The following POT1 variants were observed in gnomAD, a reference collection of about 807,000 sequenced individuals.
The protein encoded by POT1 is protection of telomeres protein 1.
Under a neutral mutation model 78.5 loss-of-function variants are expected in POT1, and 47 were observed. The observed-to-expected ratio is 0.60, with a 90% CI of 0.47 to 0.76. The LOEUF (loss-of-function observed/expected upper bound fraction) is 0.76. Among genes scored for constraint, POT1 ranks in the 30% least tolerant of loss-of-function variants. The pLI is 0.00. For synonymous variants in POT1, 259 were observed against 260.7 expected (o/e 0.99, Z 0.06); for missense variants, 646 against 749.9 (o/e 0.86, Z 1.62).
At chr7:124,900,558 G>C (rs1796593804) in intron 3 of POT1, among the ~76,000 whole-genome samples, 1 of 152,106 alleles carries the variant, frequency 6.6e-6, no homozygotes. Flanking sequence ...AATAGGAACA[G>C]CTCCACTCTA....
intron 7 of POT1, among the ~76,000 whole-genome samples, chr7:124,866,224 G>A (rs1795719865): frequency 7.0e-6 from 1 of 142,258 alleles, no homozygotes; most frequent in South Asian, 2.3e-4. Flanking sequence ...CTTCTCCGTA[G>A]AACTTGTTTC....
chr7:124,917,183 A>G lies in POT1; in HGVS notation c.-226-1537T>C, dbSNP rs7810330. 1.4e-3 allele frequency among the ~76,000 whole-genome samples: 209 copies of G among 152,272 alleles called. 1 individual carries two copies. The highest frequency in any genetic ancestry group is 4.7e-3 in the African/African-American group (194 of 41,562). ...ACCTACTGCTACCAAGACAGGCTTC[A>G]TCAGAACAGAGAACATCTACCTATT... On this transcript the variant is annotated intron_variant, in intron 2 of 18. Transcript: ENST00000357628.
In POT1 at chr7:124,871,017, A is replaced by G; in HGVS notation, c.149T>C (p.Val50Ala). The G allele has an allele frequency of 6.2e-7, 1 of 1,608,408 alleles. No individual in the cohort carries two copies. The highest frequency in any genetic ancestry group is 1.3e-5 in the African/African-American group (1 of 74,904). Residue 50 changes from valine (V) to alanine (A), a missense_variant, in exon 7 of 19, where the codon GTG (valine) becomes GCG (alanine). Transcript: ENST00000357628. ...AGTTAGTTTTACATTTGTCTGGTCCACAATAGTTACAACTGAGCAATAATC... is the reference window on the plus strand; with the variant it reads ...AGTTAGTTTTACATTTGTCTGGTCCGCAATAGTTACAACTGAGCAATAATC... ...GTDYCSVVTIVDQTNVKLTCL... is the reference protein window; with the variant it reads ...GTDYCSVVTIADQTNVKLTCL...
intron 3 of POT1, among the ~76,000 whole-genome samples, chr7:124,899,373 C>T (rs930036151): frequency 2.0e-5 from 3 of 152,042 alleles, no homozygotes; most frequent in Non-Finnish European, 2.9e-5. Flanking sequence ...GCGTTTTTTT[C>T]TTCACATGAG....
At chr7:124,926,693 G>C (rs1363866291) in intron 2 of POT1, among the ~76,000 whole-genome samples, 2 of 152,096 alleles carry the variant, frequency 1.3e-5, no homozygotes, top group Non-Finnish European at 2.9e-5. Context: ...AGTGTACATC[G>C]ATGGAGGACT....
rs188199389 is a variant in POT1, at chr7:124,840,412, G to C, written c.1369+561C>G. ...GGTTACAAGGGAAGAGAAGCCTTAA[G>C]AAAAACTCTAAATTTGCCATGAAAA... On this transcript the variant is annotated intron_variant, in intron 14 of 18. Coordinates refer to ENST00000357628, the MANE Select transcript of POT1 (RefSeq NM_015450.3). Among the ~76,000 whole-genome samples the C allele has an allele frequency of 6.9e-3, 1,045 of 151,416 alleles. 11 individuals are homozygous for C. The highest frequency in any genetic ancestry group is 0.024 in the African/African-American group (1,011 of 41,332).
At chr7:124,831,798 AC>A (rs1375653284) in intron 15 of POT1, among the ~76,000 whole-genome samples, 1 of 152,038 alleles carries the variant, frequency 6.6e-6, no homozygotes, top group Non-Finnish European at 1.5e-5. Flanking sequence ...TTGGCATAGT[AC>A]GAAACAGTTT....
intron 7 of POT1, among the ~76,000 whole-genome samples, chr7:124,868,360 A>G (rs975834308): frequency 1.3e-5 from 2 of 152,162 alleles, no homozygotes; most frequent in African/African-American, 4.8e-5. Flanking sequence ...GGAGCCTCAC[A>G]ATATATAAAA....
At chr7:124,866,521 AT>A (rs1391797871) in intron 7 of POT1, among the ~76,000 whole-genome samples, 1 of 152,172 alleles carries the variant, frequency 6.6e-6, no homozygotes, top group Non-Finnish European at 1.5e-5. Flanking sequence ...TCAACCAAGT[AT>A]TCGAGCCCAC....
chr7:124,874,719 C>T (rs1344417732), intron 6 of POT1, among the ~76,000 whole-genome samples: 12 of 144,442 alleles, frequency 8.3e-5, no homozygotes, highest in Admixed American at 2.8e-4. Context: ...TGGATGATAG[C>T]GTGAGATCTG....
chr7:124,843,224 T>TAG, intron 12 of POT1: 1 of 254,936 alleles, frequency 3.9e-6, no homozygotes, highest in Non-Finnish European at 7.4e-6. Context: ...CTTAACTGCC[T>TAG]AGTAAGCATT....
chr7:124,832,331 T>C (rs1035103115), intron 15 of POT1, among the ~76,000 whole-genome samples: 2 of 151,278 alleles, frequency 1.3e-5, no homozygotes, highest in African/African-American at 2.4e-5. Flanking sequence ...GGATACGTAA[T>C]TGTTGTGATG....
intron 14 of POT1, among the ~76,000 whole-genome samples, chr7:124,840,261 A>C (rs1794994156): frequency 6.6e-6 from 1 of 152,066 alleles, no homozygotes. Context: ...TTCTTCTATT[A>C]CAAAAGGTTT....
chr7:124,901,809 G>C (rs1434491165), intron 3 of POT1, among the ~76,000 whole-genome samples: 1 of 152,044 alleles, frequency 6.6e-6, no homozygotes, highest in Non-Finnish European at 1.5e-5. Flanking sequence ...TGGCTAACTA[G>C]AATAAATAGA....
At position 124,892,331 on chromosome 7, in the gene POT1, C is replaced by T; in HGVS notation, c.59G>A (p.Gly20Asp). The part of the protein sequence containing the change: ...IYTPLNQLKG[G>D]TIVNVYGVVK... ...AACACCATAGACATTGACAATTGTACCACCCTTAAGTTGATTCAGGGGTGT... is the reference window on the plus strand; with the variant it reads ...AACACCATAGACATTGACAATTGTATCACCCTTAAGTTGATTCAGGGGTGT... Residue 20 changes from glycine to aspartate, a missense_variant, in exon 6 of 19, where the codon GGT (glycine) becomes GAT (aspartate). Transcript: ENST00000357628. The T allele has an allele frequency of 6.5e-7, 1 of 1,536,358 alleles. No homozygotes were observed. Among genetic ancestry groups the T allele is most frequent in the Middle Eastern group, 1.7e-4 (1 of 5,836 alleles).
chr7:124,847,960 A>G (rs1287467246), intron 11 of POT1, among the ~76,000 whole-genome samples: 2 of 152,248 alleles, frequency 1.3e-5, no homozygotes, highest in Admixed American at 1.3e-4. Flanking sequence ...GGAAAAAGGA[A>G]ACAAATGATG....
intron 8 of POT1, among the ~76,000 whole-genome samples, chr7:124,861,314 G>C (rs762603826): frequency 6.6e-6 from 1 of 152,142 alleles, no homozygotes; most frequent in African/African-American, 2.4e-5. Context: ...GCGTGAGATG[G>C]TATCTCATTG....
intron 6 of POT1, among the ~76,000 whole-genome samples, chr7:124,890,881 A>AT (rs1323966443): frequency 3.3e-5 from 5 of 151,816 alleles, no homozygotes; most frequent in African/African-American, 1.2e-4. Flanking sequence ...TGAAGTCAGA[A>AT]AAGATCTTGC....
intron 14 of POT1, among the ~76,000 whole-genome samples, chr7:124,840,244 G>A (rs1222095699): frequency 1.3e-5 from 2 of 151,340 alleles, no homozygotes; most frequent in Non-Finnish European, 2.9e-5. Flanking sequence ...AATTAAAGAA[G>A]GTATTTTTCT....
Sources: allele counts gnomAD v4.1 joint callset (sites outside exome capture counted in the v4.1 genomes callset), GRCh38; gene constraint gnomAD v4.1.1; transcripts MANE v1.5; gene names NCBI Gene and HGNC (gene_info 2026-07-23, HGNC 2026-07-21).